Variants in FIP1L1 observed in about 807,000 individuals in gnomAD.
FIP1L1 encodes factor interacting with PAPOLA and CPSF1.
FIP1L1 carries 21 observed loss-of-function variants against 84.6 expected under a neutral mutation model. The observed-to-expected ratio is 0.25, with a 90% CI of 0.18 to 0.36. The LOEUF (loss-of-function observed/expected upper bound fraction) is 0.36. Ranked by LOEUF, FIP1L1 falls within the 10% of genes least tolerant of loss-of-function variation. The pLI, the probability that FIP1L1 is intolerant of heterozygous loss-of-function variation, is 1.00. For synonymous variants in FIP1L1, 263 were observed against 242.3 expected (o/e 1.09, Z -0.80); for missense variants, 526 against 751.1 (o/e 0.70, Z 3.50).
intron 15 of FIP1L1, among the ~76,000 whole-genome samples, chr4:53,448,689 T>G (rs1277306710): frequency 6.6e-6 from 1 of 152,134 alleles, no homozygotes; most frequent in African/African-American, 2.4e-5. Flanking sequence ...GTCCTTGCTT[T>G]TATTTACTAT....
chr4:53,444,439 T>C (rs1304792061), intron 15 of FIP1L1, among the ~76,000 whole-genome samples: 1 of 152,216 alleles, frequency 6.6e-6, no homozygotes, highest in Non-Finnish European at 1.5e-5. Flanking sequence ...CCTAACCTTG[T>C]TTCCATCTTT....
rs1345489977 is a variant in FIP1L1 at position 53,459,572 on chromosome 4, T to G, written c.*123T>G. ...TGTTCTGTTTGTTAGTATGAAAAGT[T>G]AACTTTTTTTCCAAAATAAAAGAGT... On this transcript the variant is annotated 3_prime_UTR_variant, in exon 18 of 18. Coordinates refer to ENST00000337488, the MANE Select transcript of FIP1L1 (RefSeq NM_030917.4). 26 of 1,397,720 alleles carry G rather than the reference T, an allele frequency of 1.9e-5. No individual in the cohort carries two copies. The highest frequency in any genetic ancestry group is 2.5e-5 in the Non-Finnish European group (25 of 1,010,890). The allele number at this position is 1,397,720 out of a possible 1,614,324, so 86.6% of individuals were successfully genotyped here. A position where few individuals can be genotyped will look rare whatever the true frequency, so the allele number is the denominator to read the frequency against.
chr4:53,416,328 T>G (rs1759483862), intron 11 of FIP1L1, among the ~76,000 whole-genome samples: 1 of 152,238 alleles, frequency 6.6e-6, no homozygotes, highest in Non-Finnish European at 1.5e-5. Flanking sequence ...ACAATTGTTT[T>G]GTTGCATAAG....
intron 10 of FIP1L1, among the ~76,000 whole-genome samples, chr4:53,413,065 A>G (rs1371716869): frequency 6.6e-6 from 1 of 152,086 alleles, no homozygotes; most frequent in African/African-American, 2.4e-5. Flanking sequence ...TTTAAACCGT[A>G]TGTATGATTT....
chr4:53,437,062 C>T (rs1265831554), intron 13 of FIP1L1, among the ~76,000 whole-genome samples: 1 of 151,950 alleles, frequency 6.6e-6, no homozygotes, highest in Admixed American at 6.6e-5. Flanking sequence ...CATGGTTGCT[C>T]ACACCTGTAA....
intron 11 of FIP1L1, among the ~76,000 whole-genome samples, chr4:53,423,606 A>G (rs760177723): frequency 6.6e-6 from 1 of 152,224 alleles, no homozygotes; most frequent in Non-Finnish European, 1.5e-5. Context: ...GTCTTATCAT[A>G]AAACATTTTG....
At position 53,399,819 on chromosome 4, in the gene FIP1L1, G is replaced by A. The variant is rs1749309318; in HGVS notation, c.795G>A (p.Lys265=). ...AEFTSPPSLF[K]TGLPPSRNST... ...TTACTTCTCCTCCTTCTTTGTTCAA[G>A]ACTGGGCTTCCACCGAGCAGGTTAG... Residue 265 remains lysine, a synonymous_variant, in exon 10 of 18, where the codon AAG becomes AAA. Transcript: ENST00000337488. The A allele has an allele frequency of 1.2e-6, 2 of 1,612,524 alleles. No individual in the cohort carries two copies. The highest frequency in any genetic ancestry group is 2.2e-5 in the South Asian group (2 of 91,000).
intron 13 of FIP1L1, chr4:53,440,920 T>G (rs1276835160): frequency 4.1e-6 from 1 of 242,010 alleles, no homozygotes; most frequent in Non-Finnish European, 8.1e-6. Flanking sequence ...CCAATGAATT[T>G]TTTATGTAAT....
At chr4:53,393,870 A>G (rs1455365429) in intron 9 of FIP1L1, among the ~76,000 whole-genome samples, 2 of 143,816 alleles carry the variant, frequency 1.4e-5, no homozygotes, top group South Asian at 2.1e-4. Flanking sequence ...CATTGTACCA[A>G]GCATTCTCGA....
Position 53,386,426 on chromosome 4 carries a change from G to A in FIP1L1, c.332+2550G>A, listed in dbSNP as rs962285662. ...AATGTATTAATTGATGAGAATACAG[G>A]AAGTTATTATTTTCCAGAGGTAGTG... On this transcript the variant is annotated intron_variant, in intron 5 of 17. Transcript: ENST00000337488. Among the ~76,000 whole-genome samples, 24 of 152,280 alleles carry A rather than the reference G, an allele frequency of 1.6e-4. 1 individual carries two copies. The highest frequency in any genetic ancestry group is 1.3e-3 in the Admixed American group (20 of 15,302).
intron 5 of FIP1L1, among the ~76,000 whole-genome samples, chr4:53,385,643 C>G (rs1273770991): frequency 6.6e-6 from 1 of 152,012 alleles, no homozygotes; most frequent in East Asian, 1.9e-4. Flanking sequence ...GGGTTTTTCC[C>G]CTTAGACATT....
chr4:53,420,054 C>T (rs28403386), intron 11 of FIP1L1, among the ~76,000 whole-genome samples: 46 of 151,708 alleles, frequency 3.0e-4, no homozygotes, highest in African/African-American at 1.0e-3. Flanking sequence ...AAAAATTAGC[C>T]GGGCGCGGTG....
intron 10 of FIP1L1, among the ~76,000 whole-genome samples, chr4:53,410,444 A>G (rs1230806752): frequency 6.6e-6 from 1 of 152,166 alleles, no homozygotes; most frequent in Admixed American, 6.5e-5. Context: ...TTCCTTTGTA[A>G]AACTTCTGGA....
At chr4:53,392,413 C>T (rs73818708) in intron 9 of FIP1L1, among the ~76,000 whole-genome samples, 2 of 152,208 alleles carry the variant, frequency 1.3e-5, no homozygotes. Flanking sequence ...GTACACAGTT[C>T]TATATAGATA....
intron 3 of FIP1L1, among the ~76,000 whole-genome samples, chr4:53,379,738 T>A (rs2149241659): frequency 6.6e-6 from 1 of 152,340 alleles, no homozygotes; most frequent in Admixed American, 6.5e-5. Flanking sequence ...TGATTTGTTA[T>A]AAGGTTGATT....
At chr4:53,389,517 GT>G (rs1742996978) in intron 5 of FIP1L1, among the ~76,000 whole-genome samples, 1 of 151,818 alleles carries the variant, frequency 6.6e-6, no homozygotes, top group African/African-American at 2.4e-5. Flanking sequence ...AGTTTAAAAT[GT>G]TTTTTAAAAT....
At chr4:53,409,408 G>A (rs1418677188) in intron 10 of FIP1L1, among the ~76,000 whole-genome samples, 5 of 152,176 alleles carry the variant, frequency 3.3e-5, no homozygotes, top group Non-Finnish European at 7.3e-5. Context: ...TGCCCCTACT[G>A]GGGGGTGTCT....
intron 10 of FIP1L1, among the ~76,000 whole-genome samples, chr4:53,411,305 A>C (rs999312346): frequency 3.3e-5 from 5 of 152,148 alleles, no homozygotes; most frequent in African/African-American, 1.2e-4. Flanking sequence ...ATCACTACTA[A>C]AAAACGAAAA....
intron 9 of FIP1L1, among the ~76,000 whole-genome samples, chr4:53,399,500 G>A (rs11930070): frequency 0.03 from 4,573 of 152,238 alleles, 96 homozygotes; most frequent in Non-Finnish European, 0.045. Flanking sequence ...GCTTCTAAGT[G>A]TTATTAATGT....
Sources: gnomAD v4.1 joint callset for allele counts (sites outside exome capture counted in the v4.1 genomes callset) on GRCh38, gnomAD v4.1.1 for gene constraint, MANE v1.5 for transcripts, NCBI Gene and HGNC (gene_info 2026-07-23, HGNC 2026-07-21) for gene names.